Variants in DDX10 observed in about 807,000 individuals in gnomAD.
DDX10 encodes DEAD-box helicase 10.
Under a neutral mutation model 104.3 loss-of-function variants are expected in DDX10, and 74 were observed. That is an observed-to-expected ratio of 0.71 (90% confidence interval 0.59 to 0.86). The LOEUF (loss-of-function observed/expected upper bound fraction) is 0.86. DDX10 is among the 40% of genes least tolerant of loss of function. The probability of loss-of-function intolerance (pLI) is 0.00; values close to 1 mark genes in which losing one functional copy is unlikely to be tolerated. For synonymous variants in DDX10, 351 were observed against 353.4 expected (o/e 0.99, Z 0.08); for missense variants, 952 against 1,040.0 (o/e 0.92, Z 1.16).
chr11:108,813,348 A>G (rs866175340), intron 13 of DDX10, among the ~76,000 whole-genome samples: 23 of 152,266 alleles, frequency 1.5e-4, no homozygotes, highest in Middle Eastern at 6.8e-3. Flanking sequence ...AGTGAAGTTT[A>G]CCTTTACATG....
intron 13 of DDX10, among the ~76,000 whole-genome samples, chr11:108,810,803 A>G (rs1862168961): frequency 6.6e-6 from 1 of 152,224 alleles, no homozygotes; most frequent in Non-Finnish European, 1.5e-5. Flanking sequence ...ACATAATGTT[A>G]TAACCTTAGA....
intron 16 of DDX10, among the ~76,000 whole-genome samples, chr11:108,870,092 G>A (rs184364008): frequency 6.6e-6 from 1 of 152,134 alleles, no homozygotes; most frequent in Admixed American, 6.5e-5. Flanking sequence ...GGGTATATGG[G>A]AATTCTGTAC....
At chr11:108,813,095 G>A (rs1419320915) in intron 13 of DDX10, among the ~76,000 whole-genome samples, 1 of 149,846 alleles carries the variant, frequency 6.7e-6, no homozygotes, top group Non-Finnish European at 1.5e-5. Flanking sequence ...AATACTATTT[G>A]TACTTTCTTT....
At chr11:108,883,313 A>T (rs1028407819) in intron 16 of DDX10, among the ~76,000 whole-genome samples, 2 of 152,194 alleles carry the variant, frequency 1.3e-5, no homozygotes, top group African/African-American at 4.8e-5. Flanking sequence ...TAGTAATTCA[A>T]GATATTATTT....
intron 16 of DDX10, among the ~76,000 whole-genome samples, chr11:108,876,235 T>C (rs988804513): frequency 2.0e-5 from 3 of 152,178 alleles, no homozygotes; most frequent in African/African-American, 7.2e-5. Context: ...TAGTCTTTTT[T>C]TCACTCATTT....
chr11:108,939,349 CTT>C (rs1491187877), intron 17 of DDX10, among the ~76,000 whole-genome samples: 3 of 152,192 alleles, frequency 2.0e-5, no homozygotes, highest in African/African-American at 7.2e-5. Flanking sequence ...TTTAACCTCT[CTT>C]AACCTCATTG....
At chr11:108,690,261 C>G (rs1202365485) in intron 7 of DDX10, 1 of 152,330 alleles carries the variant, frequency 6.6e-6, no homozygotes. Flanking sequence ...ATTTAAAGTT[C>G]TGTTTAAAGT....
chr11:108,835,963 C>G (rs1242919918), intron 13 of DDX10, among the ~76,000 whole-genome samples: 1 of 151,958 alleles, frequency 6.6e-6, no homozygotes, highest in African/African-American at 2.4e-5. Context: ...CCTTACGGTC[C>G]CCGCCCCCAG....
At chr11:108,792,456 A>C (rs1861884398) in intron 13 of DDX10, among the ~76,000 whole-genome samples, 1 of 152,186 alleles carries the variant, frequency 6.6e-6, no homozygotes, top group East Asian at 1.9e-4. Context: ...TGAAGTTTCA[A>C]AGTTCATTTG....
rs767253327 is a variant in DDX10, at chr11:108,692,022, T to C, written c.1122T>C (p.Ile374=). The stretch of plus-strand genomic sequence containing the variant: ...CTGCAGTACTCTTTGCTACTGATAT[T>C]GCAGCCAGGGGTCTGGGTAAGAAAA... ...KRAAVLFATD[I]AARGLDFPAV... The change falls in exon 8 of 18, where the codon ATT becomes ATC. Residue 374 remains isoleucine, a synonymous_variant. Transcript: ENST00000322536. 3 of 1,608,702 alleles carry C rather than the reference T, an allele frequency of 1.9e-6. No individual in the cohort carries two copies. Among genetic ancestry groups the C allele is most frequent in the Non-Finnish European group, 8.5e-7 (1 of 1,177,496 alleles).
chr11:108,914,786 A>G (rs1344381650), intron 16 of DDX10, among the ~76,000 whole-genome samples: 1 of 151,318 alleles, frequency 6.6e-6, no homozygotes, highest in Non-Finnish European at 1.5e-5. Flanking sequence ...AAAGGAAAAT[A>G]TGGTATCAGT....
chr11:108,877,100 C>T (rs1388083505), intron 16 of DDX10, among the ~76,000 whole-genome samples: 1 of 152,084 alleles, frequency 6.6e-6, no homozygotes, highest in Non-Finnish European at 1.5e-5. Flanking sequence ...CTGGAAAATT[C>T]AAAACTCTGA....
rs890553118 is a variant in DDX10, at chr11:108,694,535, C to G, written c.1223+935C>G. On this transcript the variant is annotated intron_variant, in intron 9 of 17. Coordinates refer to ENST00000322536, the MANE Select transcript of DDX10 (RefSeq NM_004398.4). ...CTCCTTCTTCCTATACTCCCCACTT[C>G]CTCCCAAAAGTATCCTATGTTTGCT... is the stretch of plus-strand genomic sequence containing the variant. Among the ~76,000 whole-genome samples the G allele has an allele frequency of 7.9e-5, 12 of 152,198 alleles. 1 individual carries two copies.
intron 17 of DDX10, chr11:108,922,314 G>A (rs540874020): frequency 1.3e-5 from 2 of 152,202 alleles, no homozygotes; most frequent in East Asian, 3.9e-4. Context: ...AAAGCACGAG[G>A]GAGGAAGGGA....
At chr11:108,878,651 A>T (rs965454605) in intron 16 of DDX10, among the ~76,000 whole-genome samples, 2 of 152,144 alleles carry the variant, frequency 1.3e-5, no homozygotes, top group East Asian at 3.8e-4. Flanking sequence ...ACATGTTATC[A>T]TGGGATTCTC....
chr11:108,841,137 C>T (rs571221491), intron 14 of DDX10, among the ~76,000 whole-genome samples, 178 bp from the exon 15 acceptor site: 87 of 152,328 alleles, frequency 5.7e-4, no homozygotes, highest in African/African-American at 2.0e-3. Context: ...TGTTACTTTA[C>T]TCTGACTAGG....
At chr11:108,809,105 G>A (rs1433844596) in intron 13 of DDX10, among the ~76,000 whole-genome samples, 1 of 151,770 alleles carries the variant, frequency 6.6e-6, no homozygotes, top group Non-Finnish European at 1.5e-5. Flanking sequence ...TATATTGGTT[G>A]ATCTATTAAA....
At chr11:108,854,186 GA>G (rs1423994476) in intron 16 of DDX10, among the ~76,000 whole-genome samples, 1 of 152,196 alleles carries the variant, frequency 6.6e-6, no homozygotes, top group Non-Finnish European at 1.5e-5. Context: ...CCTTTCAAAT[GA>G]AAGTGACAGG....
At chr11:108,917,768 C>A in intron 16 of DDX10, 105 bp from the exon 17 acceptor site, 2 of 1,123,172 alleles carry the variant, frequency 1.8e-6, no homozygotes, top group Non-Finnish European at 1.3e-6. Flanking sequence ...GAAAGCTAAT[C>A]TGTGGATGTC....
Sources: gnomAD v4.1 joint callset for allele counts (sites outside exome capture counted in the v4.1 genomes callset) on GRCh38, gnomAD v4.1.1 for gene constraint, MANE v1.5 for transcripts, NCBI Gene and HGNC (gene_info 2026-07-23, HGNC 2026-07-21) for gene names.